The following TNC variants were observed in gnomAD, a reference collection of about 807,000 sequenced individuals.
TNC encodes tenascin.
In TNC, 109 loss-of-function variants were observed where a neutral mutation model predicts 202.4. The observed-to-expected ratio is 0.54, with a 90% CI of 0.46 to 0.63. The LOEUF (loss-of-function observed/expected upper bound fraction) is 0.63. TNC is among the 30% of genes least tolerant of loss of function. The pLI is 0.00. For synonymous variants in TNC, 1,007 were observed against 1,089.7 expected, an observed-to-expected ratio of 0.92 and a Z score of 1.50; for missense variants, 2,756 against 2,833.3, an observed-to-expected ratio of 0.97 and a Z score of 0.62.
chr9:115,040,910 C>A (rs779576027), intron 19 of TNC, 31 bp downstream of exon 19: 1 of 1,553,992 alleles, frequency 6.4e-7, no homozygotes, highest in Non-Finnish European at 8.8e-7. Context: ...AATAGTAACA[C>A]ACACACACAC....
At chr9:115,108,839 A>T (rs1426038762) in intron 1 of TNC, among the ~76,000 whole-genome samples, 1 of 152,198 alleles carries the variant, frequency 6.6e-6, no homozygotes, top group Non-Finnish European at 1.5e-5. Flanking sequence ...CCATGTGAGG[A>T]CATATAAGGT....
chr9:115,065,773 G>T (rs1832903674), intron 10 of TNC, among the ~76,000 whole-genome samples: 2 of 151,898 alleles, frequency 1.3e-5, no homozygotes, highest in Non-Finnish European at 2.9e-5. Flanking sequence ...GTGGTGGCGT[G>T]AGCCTGTAAT....
intron 15 of TNC, chr9:115,052,677 C>T (rs1342131124): frequency 3.1e-6 from 2 of 639,016 alleles, no homozygotes; most frequent in African/African-American, 3.6e-5. Context: ...TTGAATTTTC[C>T]TTTAAGATGA....
intron 10 of TNC, among the ~76,000 whole-genome samples, chr9:115,069,490 G>C (rs1265656583): frequency 6.6e-6 from 1 of 151,524 alleles, no homozygotes; most frequent in Non-Finnish European, 1.5e-5. Flanking sequence ...AGAGAAGGGA[G>C]GGAATGGGAG....
chr9:115,056,765 G>A (rs566587965), intron 15 of TNC, among the ~76,000 whole-genome samples: 1 of 152,302 alleles, frequency 6.6e-6, no homozygotes, highest in South Asian at 2.1e-4. Context: ...GGAAGACAAA[G>A]ACACTAAGAT....
chr9:115,081,988 G>A (rs893298925), intron 5 of TNC, 60 bp from the exon 6 acceptor site: 1 of 1,470,170 alleles, frequency 6.8e-7, no homozygotes, highest in Non-Finnish European at 9.2e-7. Context: ...TAATTTATGT[G>A]ATTCATTCAC....
Position 115,021,065 on chromosome 9 carries a change from G to T in TNC, c.*92C>A. ...GACTCTCACCAAATGCCCAGGTGTG[G>T]ACCGATGGTTGGGCTGGTTGTATTG... is the stretch of plus-strand genomic sequence containing the variant. On this transcript the variant is annotated 3_prime_UTR_variant, in exon 28 of 28. Coordinates refer to ENST00000350763, the MANE Select transcript of TNC (RefSeq NM_002160.4). 1.9e-6 allele frequency: 2 copies of T among 1,078,736 alleles called. No homozygotes were observed. Among genetic ancestry groups the T allele is most frequent in the African/African-American group, 1.6e-5 (1 of 64,290 alleles). 66.8% of individuals were successfully genotyped at this position (1,078,736 alleles called of 1,614,324 possible).
intron 19 of TNC, among the ~76,000 whole-genome samples, chr9:115,040,685 A>G (rs1830661957): frequency 6.6e-6 from 1 of 152,122 alleles, no homozygotes; most frequent in Non-Finnish European, 1.5e-5. Context: ...TTTTTCTTTC[A>G]CAATAGTCCA....
chr9:115,053,056 A>T (rs1386768617), intron 15 of TNC: 2 of 678,708 alleles, frequency 2.9e-6, no homozygotes, highest in Non-Finnish European at 5.4e-6. Context: ...GAGAGACATT[A>T]TTAGAGGAAG....
chr9:115,103,080 GTATT>G (rs1368724835), intron 1 of TNC, among the ~76,000 whole-genome samples: 2 of 152,186 alleles, frequency 1.3e-5, no homozygotes, highest in Admixed American at 1.3e-4. Flanking sequence ...TATTCAGTGA[GTATT>G]TACTACGTTC....
chr9:115,100,116 A>ATG, intron 1 of TNC, among the ~76,000 whole-genome samples: 1 of 152,154 alleles, frequency 6.6e-6, no homozygotes, highest in Admixed American at 6.5e-5. Context: ...AGGGCTTTCT[A>ATG]CTGAATAGAC....
At position 115,084,611 on chromosome 9, in the gene TNC, A is replaced by G. The variant is rs1400418753; in HGVS notation, c.1868-139T>C. ...TTGCCTCTAAAATGCAGATGGCATC[A>G]GGGACCCCCTGCTGTGATCCATCTT... On this transcript the variant is annotated intron_variant, in intron 3 of 27. Transcript: ENST00000350763. 2.7e-5 allele frequency: 28 copies of G among 1,025,518 alleles called. 2 individuals are homozygous for G. Among genetic ancestry groups the G allele is most frequent in the Non-Finnish European group, 3.2e-5 (23 of 715,178 alleles). 63.5% of individuals were successfully genotyped at this position (1,025,518 alleles called of 1,614,324 possible). A position where few individuals can be genotyped will look rare whatever the true frequency, so the allele number is the denominator to read the frequency against.
At chr9:115,087,413 T>C (rs1834854634) in intron 2 of TNC, 140 bp from the exon 3 acceptor site, 1 of 799,172 alleles carries the variant, frequency 1.3e-6, no homozygotes, top group Non-Finnish European at 2.0e-6. Context: ...CCATTTGTTG[T>C]AGTGTGTGAA....
At chr9:115,026,236 G>T (rs1829470220) in intron 26 of TNC, among the ~76,000 whole-genome samples, 1 of 151,892 alleles carries the variant, frequency 6.6e-6, no homozygotes. Flanking sequence ...TTTTTAATCA[G>T]TCTACAACTG....
At chr9:115,082,044 G>T (rs551469841) in intron 5 of TNC, 116 bp from the exon 6 acceptor site, 2 of 977,470 alleles carry the variant, frequency 2.0e-6, no homozygotes, top group Non-Finnish European at 1.5e-6. Flanking sequence ...GATTCATTAG[G>T]CACTTACTAT....
intron 18 of TNC, among the ~76,000 whole-genome samples, chr9:115,041,309 C>CGG (rs958971198): frequency 5.7e-4 from 76 of 132,368 alleles, no homozygotes; most frequent in South Asian, 3.7e-3. Context: ...CCAGGAGGGG[C>CGG]GGGGGAAAAC....
intron 6 of TNC, among the ~76,000 whole-genome samples, chr9:115,080,338 G>A (rs987687291): frequency 5.3e-5 from 8 of 151,238 alleles, no homozygotes; most frequent in African/African-American, 1.9e-4. Context: ...TTTTCCTGTT[G>A]GTACCTGCTT....
At chr9:115,062,726 A>G (rs1189583408) in intron 13 of TNC, among the ~76,000 whole-genome samples, 191 bp downstream of exon 13, 1 of 152,034 alleles carries the variant, frequency 6.6e-6, no homozygotes, top group Non-Finnish European at 1.5e-5. Context: ...ATCTATATAT[A>G]TACATACACA....
chr9:115,038,216 G>T, intron 20 of TNC, 45 bp downstream of exon 20: 1 of 1,594,084 alleles, frequency 6.3e-7, no homozygotes, highest in South Asian at 1.1e-5. Context: ...TTTACAGCAG[G>T]AAAGACACTC....
Sources: allele counts gnomAD v4.1 joint callset (sites outside exome capture counted in the v4.1 genomes callset), GRCh38; gene constraint gnomAD v4.1.1; transcripts MANE v1.5; gene names NCBI Gene and HGNC (gene_info 2026-07-23, HGNC 2026-07-21).